The following CCDC60 variants were observed in gnomAD, a reference collection of about 807,000 sequenced individuals.
CCDC60 encodes the protein coiled-coil domain-containing protein 60.
In CCDC60, 54 loss-of-function variants were observed where a neutral mutation model predicts 63.5. The ratio of observed to expected loss-of-function variants is 0.85; its 90% CI spans 0.68 to 1.07. The LOEUF is 1.07. Ranked by LOEUF, CCDC60 falls within the 50% of genes least tolerant of loss-of-function variation. The pLI, the probability that CCDC60 is intolerant of heterozygous loss-of-function variation, is 0.00. For synonymous variants in CCDC60, 206 were observed against 238.8 expected (o/e 0.86, Z 1.27); for missense variants, 651 against 684.3 (o/e 0.95, Z 0.54).
intron 8 of CCDC60, among the ~76,000 whole-genome samples, chr12:119,517,129 A>G (rs1952374489): frequency 6.6e-6 from 1 of 152,140 alleles, no homozygotes; most frequent in Non-Finnish European, 1.5e-5. Context: ...CTGGGACTAC[A>G]GGCACACACC....
chr12:119,501,562 CT>C (rs993522154), intron 6 of CCDC60, among the ~76,000 whole-genome samples: 3 of 152,122 alleles, frequency 2.0e-5, no homozygotes, highest in Non-Finnish European at 4.4e-5. Flanking sequence ...ATAGTTGCCC[CT>C]CATGAAGAAT....
intron 11 of CCDC60, among the ~76,000 whole-genome samples, chr12:119,526,306 A>G (rs1184846016): frequency 1.6e-4 from 24 of 152,210 alleles, no homozygotes; most frequent in Admixed American, 1.6e-3. Context: ...AAACTATAAA[A>G]TCCCTGGAAG....
chr12:119,451,314 T>C (rs1292887037), intron 2 of CCDC60, among the ~76,000 whole-genome samples: 1 of 152,164 alleles, frequency 6.6e-6, no homozygotes, highest in Non-Finnish European at 1.5e-5. Flanking sequence ...TGTTTAGCTG[T>C]TCAGTTCCTT....
intron 1 of CCDC60, among the ~76,000 whole-genome samples, chr12:119,379,051 C>A (rs182131324): frequency 1.3e-5 from 2 of 152,210 alleles, no homozygotes; most frequent in Admixed American, 6.5e-5. Flanking sequence ...GCCCCCAGCT[C>A]GGCCTGGCTT....
chr12:119,490,408 C>A (rs1951556378), intron 5 of CCDC60, among the ~76,000 whole-genome samples: 1 of 152,100 alleles, frequency 6.6e-6, no homozygotes, highest in Non-Finnish European at 1.5e-5. Context: ...AATGGAAGTT[C>A]TTCATGAAGC....
intron 1 of CCDC60, among the ~76,000 whole-genome samples, chr12:119,415,074 G>T (rs1254252013): frequency 2.6e-5 from 4 of 152,204 alleles, no homozygotes; most frequent in Non-Finnish European, 4.4e-5. Context: ...TCAATAATTT[G>T]TCAGTTTCGG....
intron 7 of CCDC60, among the ~76,000 whole-genome samples, chr12:119,510,223 A>T (rs1952176664): frequency 6.6e-6 from 1 of 152,204 alleles, no homozygotes; most frequent in Non-Finnish European, 1.5e-5. Context: ...CTTTTCTCTA[A>T]TACGTTACCT....
In CCDC60 at chr12:119,392,049, G is replaced by A. The variant is rs370270107; in HGVS notation, c.91-36634G>A. On this transcript the variant is annotated intron_variant, in intron 1 of 13. Coordinates refer to ENST00000327554, the MANE Select transcript of CCDC60 (RefSeq NM_178499.5). Reference sequence around the variant, plus strand: ...GTGATTACAAGACCAGCTAACTCAGGCCCCCCTCAATCATAAGTAACATAA... The same window carrying A: ...GTGATTACAAGACCAGCTAACTCAGACCCCCCTCAATCATAAGTAACATAA... Among the ~76,000 whole-genome samples the A allele has an allele frequency of 7.2e-5, 11 of 152,240 alleles. No individual in the cohort carries two copies. In the East Asian group the frequency reaches 1.2e-3, roughly 16 times the overall value.
chr12:119,502,465 T>C (rs564567041), intron 6 of CCDC60, among the ~76,000 whole-genome samples: 2 of 152,238 alleles, frequency 1.3e-5, no homozygotes, highest in East Asian at 3.9e-4. Flanking sequence ...ATATAAAAAA[T>C]AGAGAAGCAG....
At chr12:119,407,435 GGA>G (rs1165612898) in intron 1 of CCDC60, among the ~76,000 whole-genome samples, 5 of 152,186 alleles carry the variant, frequency 3.3e-5, no homozygotes, top group African/African-American at 1.2e-4. Context: ...GGGAGCCTCA[GGA>G]AGGAGGATCA....
At position 119,540,717 on chromosome 12, in the gene CCDC60, C is replaced by G. The variant is rs1296117322; in HGVS notation, c.*2C>G. On this transcript the variant is annotated 3_prime_UTR_variant, in exon 14 of 14. Coordinates refer to ENST00000327554, the MANE Select transcript of CCDC60 (RefSeq NM_178499.5). Reference sequence around the variant, plus strand: ...GGGCCCTACAGCGCCCTGAGGTAGGCTGGGCCTGGGTTGACCAGCTGTCTC... The same window carrying G: ...GGGCCCTACAGCGCCCTGAGGTAGGGTGGGCCTGGGTTGACCAGCTGTCTC... 6.2e-7 allele frequency: 1 copy of G among 1,607,422 alleles called. No homozygotes were observed. The highest frequency in any genetic ancestry group is 1.3e-5 in the African/African-American group (1 of 74,830).
At chr12:119,387,068 A>ACACT (rs1956075044) in intron 1 of CCDC60, among the ~76,000 whole-genome samples, 1 of 148,680 alleles carries the variant, frequency 6.7e-6, no homozygotes, top group Non-Finnish European at 1.5e-5. Flanking sequence ...ACACACACAC[A>ACACT]CACACACTCT....
At chr12:119,397,924 C>T (rs1365842237) in intron 1 of CCDC60, among the ~76,000 whole-genome samples, 1 of 2,722 alleles carries the variant, frequency 3.7e-4, no homozygotes, top group East Asian at 0.021. Context: ...AGGAAGGGGG[C>T]GGGGAGGAAG....
chr12:119,437,652 G>A (rs1157370747), intron 2 of CCDC60, among the ~76,000 whole-genome samples: 5 of 152,206 alleles, frequency 3.3e-5, no homozygotes, highest in South Asian at 4.2e-4. Context: ...GCTCTCAGTC[G>A]CTTCTGCATC....
chr12:119,393,143 G>A (rs530249006), intron 1 of CCDC60, among the ~76,000 whole-genome samples: 52 of 152,242 alleles, frequency 3.4e-4, no homozygotes, highest in Non-Finnish European at 5.3e-4. Context: ...CAGCCTGGGT[G>A]ACAGAGCAAG....
At chr12:119,475,047 C>G (rs1951146161) in intron 3 of CCDC60, among the ~76,000 whole-genome samples, 1 of 152,062 alleles carries the variant, frequency 6.6e-6, no homozygotes, top group African/African-American at 2.4e-5. Context: ...CTGTTGGGAT[C>G]CCAGAATATT....
chr12:119,433,210 G>A (rs573824410), intron 2 of CCDC60, among the ~76,000 whole-genome samples: 5 of 152,256 alleles, frequency 3.3e-5, no homozygotes, highest in African/African-American at 1.2e-4. Context: ...CCCCAAGAAC[G>A]ACAAAGGTTC....
At chr12:119,472,608 TC>T (rs1158504229) in intron 3 of CCDC60, among the ~76,000 whole-genome samples, 1 of 134,418 alleles carries the variant, frequency 7.4e-6, no homozygotes, top group Non-Finnish European at 1.5e-5. Flanking sequence ...TGATATGGAA[TC>T]TCGCTCTGTT....
chr12:119,378,232 A>T lies in CCDC60; in HGVS notation c.90+42966A>T, dbSNP rs140006910. 6.1e-4 allele frequency among the ~76,000 whole-genome samples: 93 copies of T among 152,300 alleles called. No homozygotes were observed. The East Asian group carries it at 0.016, about 27-fold the overall frequency. On this transcript the variant is annotated intron_variant, in intron 1 of 13. Coordinates refer to ENST00000327554, the MANE Select transcript of CCDC60 (RefSeq NM_178499.5). Reference sequence around the variant, plus strand: ...CTTACTGTACACGTGGTTGACAAAGAAAAGGGAAGATGGAGCCACCATGTT... The same window carrying T: ...CTTACTGTACACGTGGTTGACAAAGTAAAGGGAAGATGGAGCCACCATGTT...
Sources: allele counts gnomAD v4.1 joint callset (sites outside exome capture counted in the v4.1 genomes callset), GRCh38; gene constraint gnomAD v4.1.1; transcripts MANE v1.5; gene names NCBI Gene and HGNC (gene_info 2026-07-23, HGNC 2026-07-21).